PPP6R3: variants seen among roughly 807,000 people sequenced by gnomAD.
PPP6R3 encodes the protein serine/threonine-protein phosphatase 6 regulatory subunit 3.
PPP6R3 carries 38 observed loss-of-function variants against 110.7 expected under a neutral mutation model. The ratio of observed to expected loss-of-function variants is 0.34; its 90% CI spans 0.26 to 0.45. The LOEUF is 0.45. PPP6R3 is among the 20% of genes least tolerant of loss of function. The probability of loss-of-function intolerance (pLI) is 1.00; values close to 1 mark genes in which losing one functional copy is unlikely to be tolerated. For synonymous variants in PPP6R3, 369 were observed against 373.5 expected (o/e 0.99, Z 0.14); for missense variants, 870 against 1,062.4 (o/e 0.82, Z 2.52).
intron 2 of PPP6R3, among the ~76,000 whole-genome samples, chr11:68,525,121 T>C (rs1046762935): frequency 2.0e-5 from 3 of 152,228 alleles, no homozygotes; most frequent in Non-Finnish European, 4.4e-5. Context: ...TCTGCTAGCA[T>C]GTTTACTAGC....
intron 1 of PPP6R3, among the ~76,000 whole-genome samples, chr11:68,492,157 CTTT>C (rs957886569): frequency 2.0e-5 from 3 of 152,068 alleles, no homozygotes; most frequent in Non-Finnish European, 4.4e-5. Context: ...AATTTCCTTT[CTTT>C]TTTTATTTTT....
intron 14 of PPP6R3, among the ~76,000 whole-genome samples, chr11:68,580,019 G>T (rs974014850): frequency 6.6e-6 from 1 of 152,214 alleles, no homozygotes; most frequent in Non-Finnish European, 1.5e-5. Context: ...AGGAGCCAAC[G>T]CATGGGAGGG....
chr11:68,491,826 G>A (rs2098986176), intron 1 of PPP6R3, among the ~76,000 whole-genome samples: 1 of 151,712 alleles, frequency 6.6e-6, no homozygotes, highest in Non-Finnish European at 1.5e-5. Flanking sequence ...AGTTGCCTTG[G>A]GCCAAACATA....
intron 1 of PPP6R3, among the ~76,000 whole-genome samples, chr11:68,495,695 T>C (rs1192829178): frequency 6.6e-6 from 1 of 152,238 alleles, no homozygotes; most frequent in African/African-American, 2.4e-5. Context: ...ATAATACTCA[T>C]TATGTGGGGA....
chr11:68,560,966 G>A (rs1347921043), intron 8 of PPP6R3, among the ~76,000 whole-genome samples: 2 of 144,582 alleles, frequency 1.4e-5, no homozygotes, highest in East Asian at 4.1e-4. Context: ...GTGCGATCTC[G>A]GCTCACTGCA....
rs546022471 is a variant in PPP6R3, at chr11:68,553,424, G to A, written c.619-721G>A. ...TTCTCCTGCCTCAGCCTCCCGAGTA[G>A]CTGGGATTACAGGCATGCGCCACCA... On this transcript the variant is annotated intron_variant, in intron 6 of 23. Transcript: ENST00000393800. Among the ~76,000 whole-genome samples, 7 of 151,854 alleles carry A rather than the reference G, an allele frequency of 4.6e-5. No individual in the cohort carries two copies. In the South Asian group the frequency reaches 1.2e-3, roughly 27 times the overall value.
chr11:68,597,950 G>C (rs921853467), intron 19 of PPP6R3, among the ~76,000 whole-genome samples: 1 of 152,008 alleles, frequency 6.6e-6, no homozygotes, highest in African/African-American at 2.4e-5. Flanking sequence ...GTGCACTCCA[G>C]CCTGGGCGAC....
intron 5 of PPP6R3, among the ~76,000 whole-genome samples, chr11:68,548,436 T>C (rs981419587): frequency 6.6e-6 from 1 of 152,188 alleles, no homozygotes; most frequent in Non-Finnish European, 1.5e-5. Context: ...GGATGTTTTG[T>C]TGTGAGTATT....
chr11:68,479,135 G>T (rs935562491), intron 1 of PPP6R3, among the ~76,000 whole-genome samples: 1 of 152,098 alleles, frequency 6.6e-6, no homozygotes, highest in African/African-American at 2.4e-5. Flanking sequence ...ATATTCTTAC[G>T]ATTATTCACA....
chr11:68,558,729 G>C, intron 8 of PPP6R3, 50 bp downstream of exon 8: 1 of 1,402,984 alleles, frequency 7.1e-7, no homozygotes, highest in Non-Finnish European at 1.0e-6. Flanking sequence ...TTTGCTTTCA[G>C]ATTTAAGAGT....
At chr11:68,521,927 A>G (rs1180948811) in intron 2 of PPP6R3, among the ~76,000 whole-genome samples, 1 of 152,180 alleles carries the variant, frequency 6.6e-6, no homozygotes, top group African/African-American at 2.4e-5. Context: ...TCTATTGCAA[A>G]GGTACATGTA....
intron 1 of PPP6R3, among the ~76,000 whole-genome samples, chr11:68,481,943 A>G (rs545385268): frequency 1.3e-5 from 2 of 152,298 alleles, no homozygotes; most frequent in South Asian, 4.1e-4. Context: ...CAGTCTGGCC[A>G]TAGCGGTTAG....
chr11:68,482,409 CAAA>C (rs145649371), intron 1 of PPP6R3, among the ~76,000 whole-genome samples: 1 of 67,594 alleles, frequency 1.5e-5, no homozygotes. Flanking sequence ...GTGAGACTGC[CAAA>C]AAAAAAAAAA....
intron 22 of PPP6R3, among the ~76,000 whole-genome samples, chr11:68,603,804 G>T (rs1430110487): frequency 6.6e-6 from 1 of 152,128 alleles, no homozygotes; most frequent in African/African-American, 2.4e-5. Context: ...ACAGAGCATG[G>T]CCCATGAAAA....
chr11:68,567,299 T>C, intron 10 of PPP6R3, 133 bp downstream of exon 10: 1 of 1,005,432 alleles, frequency 9.9e-7, no homozygotes, highest in Non-Finnish European at 1.4e-6. Flanking sequence ...GTGTTTTATG[T>C]AGTTTTTGCC....
chr11:68,492,223 C>T lies in PPP6R3; in HGVS notation c.-157-27278C>T, dbSNP rs556748676. 5.1e-4 allele frequency among the ~76,000 whole-genome samples: 78 copies of T among 152,316 alleles called. 1 individual carries two copies. The highest frequency in any genetic ancestry group is 9.2e-4 in the Admixed American group (14 of 15,296). ...TGTTGCTGGACTACAGTGGCATGAT[C>T]ATAGCTCACTGCAACCTCATACTCC... On this transcript the variant is annotated intron_variant, in intron 1 of 23. Transcript: ENST00000393800.
At chr11:68,589,969 C>T (rs1178113414) in intron 16 of PPP6R3, among the ~76,000 whole-genome samples, 3 of 152,316 alleles carry the variant, frequency 2.0e-5, no homozygotes, top group East Asian at 1.9e-4. Flanking sequence ...TAGGATCCAC[C>T]ACCTCACACC....
At chr11:68,590,548 A>C in intron 16 of PPP6R3, 112 bp from the exon 17 acceptor site, 19 of 1,170,652 alleles carry the variant, frequency 1.6e-5, no homozygotes, top group Non-Finnish European at 2.1e-5. Context: ...TTTTATTTAT[A>C]GAGATTTTGA....
chr11:68,481,339 G>A (rs183524577), intron 1 of PPP6R3, among the ~76,000 whole-genome samples: 87 of 152,266 alleles, frequency 5.7e-4, no homozygotes, highest in African/African-American at 2.0e-3. Context: ...CATTGAGGAG[G>A]GTTAGGGGAT....
Sources: allele counts gnomAD v4.1 joint callset (sites outside exome capture counted in the v4.1 genomes callset), GRCh38; gene constraint gnomAD v4.1.1; transcripts MANE v1.5; gene names NCBI Gene and HGNC (gene_info 2026-07-23, HGNC 2026-07-21).